PPP2R1B: variants seen among roughly 807,000 people sequenced by gnomAD.
The protein encoded by PPP2R1B is protein phosphatase 2 scaffold subunit Abeta, also known as serine/threonine-protein phosphatase 2A 65 kDa regulatory subunit A beta isoform.
In PPP2R1B, 58 loss-of-function variants were observed where a neutral mutation model predicts 72.7. That is an observed-to-expected ratio of 0.80 (90% CI 0.65 to 0.99). The LOEUF is 0.99. PPP2R1B is among the 50% of genes least tolerant of loss of function. The pLI, the probability that PPP2R1B is intolerant of heterozygous loss-of-function variation, is 0.00. For synonymous variants in PPP2R1B, 256 were observed against 264.6 expected, an observed-to-expected ratio of 0.97 and a Z score of 0.32; for missense variants, 695 against 733.6, an observed-to-expected ratio of 0.95 and a Z score of 0.61.
At position 111,739,325 on chromosome 11, in the gene PPP2R1B, T is replaced by C; in HGVS notation, c.*2271A>G. 1.0e-6 allele frequency: 1 copy of C among 973,508 alleles called. No individual in the cohort carries two copies. The allele number at this position is 973,508 out of a possible 1,614,324, so 60.3% of individuals were successfully genotyped here. On this transcript the variant is annotated 3_prime_UTR_variant, in exon 15 of 15. Transcript: ENST00000527614. ...CCAGTGAAATCAAGATAGGAGAACT[T>C]TTCCCTTAAGTTTAAGGTAGTTAAA...
At chr11:111,705,255 A>G in the PPP2R1B span, 5 of 1,130,572 alleles carry the variant, frequency 4.4e-6, no homozygotes, top group South Asian at 1.2e-4. This position sits in a 1 kb window ranked among gnomAD's most constrained non-coding sequence, Gnocchi z 4.3. Flanking sequence ...GTTTTTCTGT[A>G]AAATTTCTGC....
chr11:111,727,551 C>G (rs890761274), intron 15 of PPP2R1B: 2 of 163,542 alleles, frequency 1.2e-5, no homozygotes, highest in African/African-American at 4.8e-5. Flanking sequence ...GAGTATCGGC[C>G]TCTCCCCTGC....
At chr11:111,735,512 G>A (rs1034831755), downstream of PPP2R1B, among the ~76,000 whole-genome samples, 5 of 152,234 alleles carry the variant, frequency 3.3e-5, no homozygotes, top group African/African-American at 9.6e-5. Context: ...ACCCGCGGCA[G>A]CAAGGTGTGG....
chr11:111,699,685 A>G, the PPP2R1B span, among the ~76,000 whole-genome samples: 1 of 152,190 alleles, frequency 6.6e-6, no homozygotes, highest in East Asian at 1.9e-4. Flanking sequence ...AAGCTAAGAG[A>G]ATGCTTTGCC....
chr11:111,729,890 T>G (rs1431636529), intron 15 of PPP2R1B: 2 of 152,208 alleles, frequency 1.3e-5, no homozygotes, highest in African/African-American at 4.8e-5. Flanking sequence ...TAGGCTCACC[T>G]CAAAGATGTC....
chr11:111,753,322 A>C, intron 9 of PPP2R1B, 121 bp downstream of exon 9: 1 of 1,354,112 alleles, frequency 7.4e-7, no homozygotes, highest in Non-Finnish European at 1.0e-6. Flanking sequence ...ATTGGTTTAA[A>C]ATAAGTTATG....
the PPP2R1B span, among the ~76,000 whole-genome samples, chr11:111,697,030 C>T: frequency 6.6e-6 from 1 of 152,166 alleles, no homozygotes; most frequent in South Asian, 2.1e-4. Context: ...TTAACCCTGA[C>T]AATTATTAAC....
chr11:111,745,504 G>A (rs1389617735), intron 11 of PPP2R1B, among the ~76,000 whole-genome samples: 1 of 152,146 alleles, frequency 6.6e-6, no homozygotes, highest in Non-Finnish European at 1.5e-5. Flanking sequence ...TTGGCCAGAT[G>A]CCTACTATGT....
chr11:111,709,822 G>A, the PPP2R1B span, among the ~76,000 whole-genome samples: 13 of 152,210 alleles, frequency 8.5e-5, no homozygotes, highest in Middle Eastern at 0.01. Context: ...TCCTCTAACC[G>A]AGTTCACAGT....
rs1449883091 is a variant in PPP2R1B, at chr11:111,739,653, CCAACCAGAGTAAAG to C, written c.*1929_*1942del. On this transcript the variant is annotated 3_prime_UTR_variant, in exon 15 of 15. Coordinates refer to ENST00000527614, the MANE Select transcript of PPP2R1B (RefSeq NM_002716.5). ...GTCTGTCCCCAAAACAATGGCATTTCCAACCAGAGTAAAGCAATGGTTCCAGTGCAAATCTGCTT... is the reference window on the plus strand; with the variant it reads ...GTCTGTCCCCAAAACAATGGCATTTCCAATGGTTCCAGTGCAAATCTGCTT... 1.0e-6 allele frequency: 1 copy of C among 985,288 alleles called. No individual in the cohort carries two copies. Among genetic ancestry groups the C allele is most frequent in the African/African-American group, 1.7e-5 (1 of 57,226 alleles). The allele number at this position is 985,288 out of a possible 1,614,324, so 61.0% of individuals were successfully genotyped here. A position where few individuals can be genotyped will look rare whatever the true frequency, so the allele number is the denominator to read the frequency against.
exon 16 of PPP2R1B, chr11:111,726,937 T>TTTATG: frequency 6.2e-7 from 1 of 1,606,902 alleles, no homozygotes; most frequent in Non-Finnish European, 8.5e-7. Flanking sequence ...TACTTTATTT[T>TTTATG]TTATGTTCTT....
At chr11:111,743,919 G>A (rs899809265) in intron 11 of PPP2R1B, among the ~76,000 whole-genome samples, 1 of 152,212 alleles carries the variant, frequency 6.6e-6, no homozygotes, top group Admixed American at 6.5e-5. Flanking sequence ...GTGTAGTAAA[G>A]GCTGTGAGGG....
the PPP2R1B span, among the ~76,000 whole-genome samples, chr11:111,699,631 T>C: frequency 2.5e-3 from 375 of 152,346 alleles, 1 homozygote; most frequent in African/African-American, 8.7e-3. Flanking sequence ...GGATTGTTAC[T>C]GTTATTACTG....
the PPP2R1B span, among the ~76,000 whole-genome samples, chr11:111,699,155 A>C: frequency 6.6e-6 from 1 of 152,192 alleles, no homozygotes; most frequent in Non-Finnish European, 1.5e-5. Context: ...AGCTGAGGTT[A>C]CATTGTAAAG....
At chr11:111,724,246 G>A (rs968566103), downstream of PPP2R1B, 60 of 1,381,574 alleles carry the variant, frequency 4.3e-5, no homozygotes, top group Non-Finnish European at 5.8e-5. Flanking sequence ...GGGAGAAATC[G>A]AGCCACCCAA....
At chr11:111,708,225 C>CA in the PPP2R1B span, among the ~76,000 whole-genome samples, 1 of 151,814 alleles carries the variant, frequency 6.6e-6, no homozygotes, top group Admixed American at 6.6e-5. Flanking sequence ...CTACTAAAAA[C>CA]AAAAAAATTA....
chr11:111,711,957 G>A, the PPP2R1B span, among the ~76,000 whole-genome samples: 11 of 152,336 alleles, frequency 7.2e-5, no homozygotes, highest in African/African-American at 1.4e-4. Flanking sequence ...CGTCACCTGC[G>A]TGAAAGTCAA....
chr11:111,714,339 T>C, the PPP2R1B span, among the ~76,000 whole-genome samples: 3 of 152,156 alleles, frequency 2.0e-5, no homozygotes, highest in African/African-American at 4.8e-5. Flanking sequence ...AATATGGGGA[T>C]AGGGTTTGGT....
chr11:111,763,124 TGAG>T (rs1253033785), intron 3 of PPP2R1B, among the ~76,000 whole-genome samples: 6 of 152,186 alleles, frequency 3.9e-5, no homozygotes, highest in Non-Finnish European at 7.3e-5. Context: ...AAAACCTCCC[TGAG>T]GAGATGCATT....
Sources: gnomAD v4.1 joint callset for allele counts (sites outside exome capture counted in the v4.1 genomes callset) on GRCh38, gnomAD v4.1.1 for gene constraint, Gnocchi (gnomAD v3.1) non-coding constraint, MANE v1.5 for transcripts, NCBI Gene and HGNC (gene_info 2026-07-23, HGNC 2026-07-21) for gene names.